The following PHLDB2 variants were observed in gnomAD, a reference collection of about 807,000 sequenced individuals.
The protein encoded by PHLDB2 is pleckstrin homology-like domain family B member 2.
A neutral mutation model predicts 123.6 loss-of-function variants in PHLDB2; 71 were observed. The observed-to-expected ratio is 0.57, with a 90% CI of 0.47 to 0.70. The LOEUF is 0.70. PHLDB2 is among the 30% of genes least tolerant of loss of function. PHLDB2 has a pLI of 0.00. For missense variants in PHLDB2, 1,446 were observed against 1,519.5 expected, an observed-to-expected ratio of 0.95 and a Z score of 0.80; for synonymous variants, 547 against 541.6, an observed-to-expected ratio of 1.01 and a Z score of -0.14.
intron 1 of PHLDB2, among the ~76,000 whole-genome samples, chr3:111,805,972 C>T (rs1449806384): frequency 4.0e-5 from 6 of 150,356 alleles, no homozygotes; most frequent in Middle Eastern, 3.4e-3. Context: ...AAAGGCAAAA[C>T]AATAGAGACA....
intron 2 of PHLDB2, chr3:111,911,516 T>C (rs2067880085): frequency 9.9e-7 from 1 of 1,007,326 alleles, no homozygotes; most frequent in Non-Finnish European, 1.5e-6. Flanking sequence ...GAAGGCTATG[T>C]CCCCCCTGCT....
chr3:111,801,220 C>T (rs2061366283), intron 1 of PHLDB2, among the ~76,000 whole-genome samples: 1 of 152,148 alleles, frequency 6.6e-6, no homozygotes, highest in Admixed American at 6.5e-5. Flanking sequence ...AATTTCAAGA[C>T]AGTCACAACA....
rs753005686 is a variant in PHLDB2, at chr3:111,969,826, T to G, written c.3452T>G (p.Ile1151Ser). The stretch of plus-strand genomic sequence containing the variant: ...GAGAAGACCTGCCGAGGATTCCTCA[T>G]CAAAATGGGTGGGAAAATTAAAACG... ...ITEKTCRGFL[I>S]KMGGKIKTWK... The change falls in exon 16 of 18, where the codon ATC (isoleucine) becomes AGC (serine). Residue 1151 changes from isoleucine (I) to serine (S), a missense_variant. By Grantham distance (142) the Ile-to-Ser change is moderately radical. Transcript: ENST00000431670. 7 of 1,614,084 alleles carry G rather than the reference T, an allele frequency of 4.3e-6. No individual in the cohort carries two copies. The South Asian group carries it at 6.6e-5, about 15-fold the overall frequency.
intron 1 of PHLDB2, among the ~76,000 whole-genome samples, chr3:111,789,881 T>C (rs899294465): frequency 2.0e-5 from 3 of 152,286 alleles, no homozygotes; most frequent in South Asian, 4.1e-4. Context: ...CTGAGAAATC[T>C]TGGAAACAAT....
chr3:111,958,852 C>T (rs978017681), intron 12 of PHLDB2: 2 of 410,006 alleles, frequency 4.9e-6, no homozygotes, highest in South Asian at 1.8e-5. Flanking sequence ...TTTGCTCCCC[C>T]TCAAAAAGTA....
At chr3:111,827,685 C>CAAA (rs565813163) in intron 1 of PHLDB2, among the ~76,000 whole-genome samples, 19 of 73,166 alleles carry the variant, frequency 2.6e-4, no homozygotes, top group South Asian at 4.9e-4. Flanking sequence ...GAATCCGTCT[C>CAAA]AAAAAAAAAA....
intron 1 of PHLDB2, among the ~76,000 whole-genome samples, chr3:111,801,046 T>A (rs1254326404): frequency 1.3e-5 from 2 of 152,162 alleles, no homozygotes; most frequent in Non-Finnish European, 2.9e-5. Flanking sequence ...ATTTTTAAAA[T>A]AGAGAAATGT....
chr3:111,763,495 A>T (rs192746960), intron 1 of PHLDB2, among the ~76,000 whole-genome samples: 1 of 152,224 alleles, frequency 6.6e-6, no homozygotes, highest in East Asian at 1.9e-4. Context: ...TTAATAAATT[A>T]TCAAGTGCTT....
intron 2 of PHLDB2, among the ~76,000 whole-genome samples, chr3:111,903,885 G>C (rs12495997): frequency 6.6e-6 from 1 of 151,850 alleles, no homozygotes; most frequent in Non-Finnish European, 1.5e-5. Context: ...GGTTGAACTT[G>C]ATTAAAAAAA....
rs1167603587 is a variant in PHLDB2, at chr3:111,966,638, A to G, written c.3103A>G (p.Ile1035Val). 1.9e-6 allele frequency: 3 copies of G among 1,613,322 alleles called. No individual in the cohort carries two copies. The Admixed American group carries it at 5.0e-5, about 27-fold the overall frequency. Residue 1035 changes from isoleucine to valine, a missense_variant, in exon 14 of 18, where the codon ATA becomes GTA. This residue lies in a region of PHLDB2 where 594 missense variants were observed against 646.0 expected (regional missense o/e 0.92). Transcript: ENST00000431670. ...SSASTSNIAR[I>V]EEMERLLKQA... ...TGCCAGCACTTCAAATATTGCTAGA[A>G]TAGAAGAAATGGAGAGACTTTTGAA... is the stretch of plus-strand genomic sequence containing the variant.
chr3:111,885,454 A>C (rs1423468213), intron 2 of PHLDB2, 42 bp downstream of exon 2: 1 of 1,612,948 alleles, frequency 6.2e-7, no homozygotes, highest in South Asian at 1.1e-5. Flanking sequence ...CTGTTTCATT[A>C]ACCAGCATCT....
intron 2 of PHLDB2, chr3:111,911,524 G>C: frequency 8.9e-7 from 1 of 1,123,762 alleles, no homozygotes; most frequent in Non-Finnish European, 1.3e-6. Flanking sequence ...TGTCCCCCCT[G>C]CTTCCTCCCT....
chr3:111,752,981 T>A (rs998025577), intron 1 of PHLDB2, among the ~76,000 whole-genome samples: 36 of 152,204 alleles, frequency 2.4e-4, no homozygotes, highest in African/African-American at 8.7e-4. Flanking sequence ...CATGAACTCA[T>A]CATTTTTTTT....
intron 2 of PHLDB2, among the ~76,000 whole-genome samples, chr3:111,850,194 G>A (rs2064190232): frequency 6.6e-6 from 1 of 152,094 alleles, no homozygotes; most frequent in African/African-American, 2.4e-5. Flanking sequence ...AAATAACAGG[G>A]GTGGAAAACT....
intron 1 of PHLDB2, among the ~76,000 whole-genome samples, chr3:111,865,870 C>G (rs116585860): frequency 0.011 from 1,692 of 151,620 alleles, 24 homozygotes; most frequent in African/African-American, 0.038. Context: ...AGTAAGTGGT[C>G]AAAAGGTAGA....
chr3:111,806,401 A>C lies in PHLDB2; in HGVS notation c.-48-39420A>C, dbSNP rs185188956. Reference sequence around the variant, plus strand: ...TGCCTTTTCTAGAAATTTCATATAAATGGAATTTTATATAATACAAAATGT... The same window carrying C: ...TGCCTTTTCTAGAAATTTCATATAACTGGAATTTTATATAATACAAAATGT... On this transcript the variant is annotated intron_variant, in intron 1 of 17. Coordinates refer to the PHLDB2 transcript ENST00000393923. Among the ~76,000 whole-genome samples the C allele has an allele frequency of 4.6e-5, 7 of 152,022 alleles. No individual in the cohort carries two copies. The East Asian group carries it at 1.4e-3, about 29-fold the overall frequency.
chr3:111,734,881 G>A (rs907032209), intron 1 of PHLDB2, among the ~76,000 whole-genome samples: 19 of 152,290 alleles, frequency 1.2e-4, no homozygotes, highest in African/African-American at 4.3e-4. Context: ...ACTGGCTCTT[G>A]GATGTGCCAT....
intron 1 of PHLDB2, among the ~76,000 whole-genome samples, chr3:111,771,276 T>C (rs2060172110): frequency 6.6e-6 from 1 of 152,216 alleles, no homozygotes; most frequent in Admixed American, 6.5e-5. Context: ...TATGCCTGTC[T>C]TAGCTTCTGG....
upstream of PHLDB2, among the ~76,000 whole-genome samples, chr3:111,856,846 A>T (rs2064532660): frequency 1.3e-5 from 2 of 152,234 alleles, no homozygotes; most frequent in Non-Finnish European, 2.9e-5. Flanking sequence ...GTGAGGAGAG[A>T]CAGACAATAA....
Sources: gnomAD v4.1 joint callset for allele counts (sites outside exome capture counted in the v4.1 genomes callset) on GRCh38, gnomAD v4.1.1 for gene constraint, gnomAD v4.1.1 regional missense constraint, MANE v1.5 for transcripts, NCBI Gene and HGNC (gene_info 2026-07-23, HGNC 2026-07-21) for gene names.